The following DLG2 variants were observed in gnomAD, a reference collection of about 807,000 sequenced individuals.
The protein encoded by DLG2 is discs large MAGUK scaffold protein 2.
In DLG2, 45 loss-of-function variants were observed where a neutral mutation model predicts 132.5. The observed-to-expected ratio is 0.34, with a 90% CI of 0.27 to 0.44. DLG2 has a LOEUF of 0.44. Ranked by LOEUF, DLG2 falls within the 20% of genes least tolerant of loss-of-function variation. The pLI is 1.00. For synonymous variants in DLG2, 424 were observed against 419.6 expected (o/e 1.01, Z -0.13); for missense variants, 1,045 against 1,196.9 (o/e 0.87, Z 1.87).
rs1189214480 is a variant in DLG2, at chr11:83,689,990, TATA to T, written c.1826-56668_1826-56666del. Among the ~76,000 whole-genome samples the T allele has an allele frequency of 2.0e-3, 272 of 134,436 alleles. 1 individual carries two copies. The highest frequency in any genetic ancestry group is 5.5e-3 in the African/African-American group (204 of 37,130). 88.2% of individuals were successfully genotyped at this position (134,436 alleles called of 152,430 possible). A position where few individuals can be genotyped will look rare whatever the true frequency, so the allele number is the denominator to read the frequency against. ...TATATTTATATTATAATATATTTAT[TATA>T]ATATTATATTTATTATAATATTTAA... On this transcript the variant is annotated intron_variant, in intron 18 of 27. Transcript: ENST00000376104.
intron 18 of DLG2, chr11:83,725,095 T>G (rs569487654): frequency 1.2e-4 from 64 of 554,934 alleles, no homozygotes; most frequent in Non-Finnish European, 1.7e-4. Context: ...ACAAGCCAAT[T>G]TGAAAGATGG....
At chr11:84,613,861 T>C (rs1429856473) in intron 6 of DLG2, among the ~76,000 whole-genome samples, 1 of 152,142 alleles carries the variant, frequency 6.6e-6, no homozygotes, top group Admixed American at 6.6e-5. Context: ...AGAAAGTACA[T>C]TCTTAGGTTG....
At chr11:85,587,792 G>A (rs750610080) in intron 3 of DLG2, among the ~76,000 whole-genome samples, 97 of 152,234 alleles carry the variant, frequency 6.4e-4, no homozygotes, top group Middle Eastern at 3.4e-3. Context: ...AATAGGCCCT[G>A]TGAGATTTAC....
At chr11:84,759,552 A>C (rs2067321164) in intron 6 of DLG2, among the ~76,000 whole-genome samples, 2 of 152,208 alleles carry the variant, frequency 1.3e-5, no homozygotes, top group Non-Finnish European at 2.9e-5. Context: ...AAATCAAACA[A>C]TGCTATAAAC....
intron 2 of DLG2, among the ~76,000 whole-genome samples, chr11:85,611,326 A>G (rs2080984451): frequency 6.6e-6 from 1 of 152,228 alleles, no homozygotes; most frequent in African/African-American, 2.4e-5. Flanking sequence ...TATGGCTATC[A>G]GACAACTGCC....
chr11:85,487,433 A>C (rs1308349147), intron 3 of DLG2, among the ~76,000 whole-genome samples: 2 of 151,588 alleles, frequency 1.3e-5, no homozygotes, highest in Non-Finnish European at 2.9e-5. Context: ...AAAAAAAAAA[A>C]AACCTCAGGA....
chr11:84,312,938 T>C (rs2098304316), intron 7 of DLG2, among the ~76,000 whole-genome samples: 1 of 151,900 alleles, frequency 6.6e-6, no homozygotes, highest in African/African-American at 2.4e-5. Context: ...GCCTCCCCAG[T>C]AGCTGGGACT....
Position 83,915,627 on chromosome 11 carries a change from AT to A in DLG2, c.1496+14700del, listed in dbSNP as rs2076801249. 2.0e-5 allele frequency among the ~76,000 whole-genome samples: 3 copies of A among 152,208 alleles called. No individual in the cohort carries two copies. The South Asian group carries it at 6.2e-4, about 32-fold the overall frequency. On this transcript the variant is annotated intron_variant, in intron 15 of 27. Transcript: ENST00000376104. ...AAACTTTTTAAAATTATTTTTTATT[AT>A]TTTTATCTGAATATTTGACATTATA...
intron 7 of DLG2, among the ~76,000 whole-genome samples, chr11:84,288,093 A>ATTGATATATGATAT (rs1345057888): frequency 5.3e-5 from 8 of 152,042 alleles, no homozygotes; most frequent in Non-Finnish European, 1.2e-4. Context: ...CACTTCACTA[A>ATTGATATATGATAT]ATTGATATCA....
intron 7 of DLG2, among the ~76,000 whole-genome samples, chr11:84,297,953 T>C (rs1354468712): frequency 1.3e-5 from 2 of 152,166 alleles, no homozygotes; most frequent in Admixed American, 1.3e-4. Flanking sequence ...ATCTCTCAAG[T>C]AGGAACTCAA....
intron 4 of DLG2, among the ~76,000 whole-genome samples, chr11:85,170,908 T>C (rs973455324): frequency 2.0e-5 from 3 of 150,692 alleles, no homozygotes; most frequent in African/African-American, 7.3e-5. Flanking sequence ...CTTCTCTAAT[T>C]AGGACTCCAC....
chr11:84,748,049 C>A (rs1334904177), intron 6 of DLG2, among the ~76,000 whole-genome samples: 1 of 152,180 alleles, frequency 6.6e-6, no homozygotes, highest in Non-Finnish European at 1.5e-5. Flanking sequence ...TGTCTGCAAC[C>A]AGTTTCCTGT....
chr11:85,202,128 T>C (rs1335070829), intron 4 of DLG2, among the ~76,000 whole-genome samples: 1 of 150,146 alleles, frequency 6.7e-6, no homozygotes, highest in Non-Finnish European at 1.5e-5. Context: ...AGAAAAGCAA[T>C]GTGATAAAAA....
At chr11:84,486,689 T>A (rs1211170680) in intron 7 of DLG2, among the ~76,000 whole-genome samples, 1 of 152,078 alleles carries the variant, frequency 6.6e-6, no homozygotes, top group Non-Finnish European at 1.5e-5. Context: ...CTTGGAGTAA[T>A]GTATGTATCA....
At chr11:83,855,163 C>T (rs1048732559) in intron 16 of DLG2, among the ~76,000 whole-genome samples, 1 of 152,122 alleles carries the variant, frequency 6.6e-6, no homozygotes, top group Non-Finnish European at 1.5e-5. Context: ...ATCCAGAATA[C>T]TGACAAAAAC....
rs111667689 is a variant in DLG2, at chr11:85,161,804, C to T, written c.187-7153G>A. On this transcript the variant is annotated intron_variant, in intron 4 of 27. Transcript: ENST00000376104. ...TTACAACACCAACAAGGTGACAATA[C>T]TTTGCAGGGCTTGGCCAAAGTTCTC... Among the ~76,000 whole-genome samples, 286 of 152,272 alleles carry T rather than the reference C, an allele frequency of 1.9e-3. 1 individual carries two copies. Among genetic ancestry groups the T allele is most frequent in the African/African-American group, 6.7e-3 (278 of 41,560 alleles).
chr11:83,660,139 AT>A (rs1161779306), intron 18 of DLG2, among the ~76,000 whole-genome samples: 1 of 152,072 alleles, frequency 6.6e-6, no homozygotes, highest in East Asian at 1.9e-4. Context: ...GGTTTTTGTT[AT>A]TTTTTTTCTT....
intron 6 of DLG2, among the ~76,000 whole-genome samples, chr11:84,823,987 T>C (rs1445414243): frequency 6.6e-6 from 1 of 151,872 alleles, no homozygotes; most frequent in Non-Finnish European, 1.5e-5. Flanking sequence ...AGCACTTGAG[T>C]GAGTTACTAA....
At chr11:85,333,379 T>C (rs946881721) in intron 3 of DLG2, among the ~76,000 whole-genome samples, 1 of 152,170 alleles carries the variant, frequency 6.6e-6, no homozygotes, top group Non-Finnish European at 1.5e-5. Context: ...AATCATATCA[T>C]CTGTGAAAAG....
Sources: gnomAD v4.1 joint callset for allele counts (sites outside exome capture counted in the v4.1 genomes callset) on GRCh38, gnomAD v4.1.1 for gene constraint, MANE v1.5 for transcripts, NCBI Gene and HGNC (gene_info 2026-07-23, HGNC 2026-07-21) for gene names.